Variants in PGAP4 observed in about 807,000 individuals in gnomAD.
PGAP4 encodes the protein GPI-N-acetylgalactosamine transferase PGAP4.
In PGAP4, 12 loss-of-function variants were observed where a neutral mutation model predicts 28.2. That is an observed-to-expected ratio of 0.42 (90% CI 0.27 to 0.69). The LOEUF (loss-of-function observed/expected upper bound fraction) is 0.69. Among genes scored for constraint, PGAP4 ranks in the 30% least tolerant of loss-of-function variants. PGAP4 has a pLI of 0.22. For missense variants in PGAP4, 425 were observed against 513.5 expected (o/e 0.83, Z 1.67); for synonymous variants, 205 against 211.8 (o/e 0.97, Z 0.28).
upstream of PGAP4, among the ~76,000 whole-genome samples, chr9:101,490,027 A>G (rs937536148): frequency 1.3e-5 from 2 of 152,108 alleles, no homozygotes; most frequent in Non-Finnish European, 2.9e-5. Flanking sequence ...CCCTACTTCT[A>G]TGGTTGGTCA....
rs190940726 is a variant in PGAP4 at position 101,524,836 on chromosome 9, T to C, written c.-165+6512A>G. Among the ~76,000 whole-genome samples the C allele has an allele frequency of 1.3e-3, 193 of 152,352 alleles. 3 individuals are homozygous for C. The highest frequency in any genetic ancestry group is 0.011 in the Admixed American group (174 of 15,300). ...AGTTTTAGGGGGCTCTCCTGGGTCC[T>C]GCAGGAGTAGTCCGCTTCCTTCAGA... On this transcript the variant is annotated intron_variant, in intron 2 of 3. Coordinates refer to the PGAP4 transcript ENST00000374851.
intron 2 of PGAP4, among the ~76,000 whole-genome samples, chr9:101,513,938 G>A (rs1170269393): frequency 6.6e-6 from 1 of 152,068 alleles, no homozygotes; most frequent in Non-Finnish European, 1.5e-5. Context: ...AGAGCCTGGA[G>A]TTCTGATGTC....
Position 101,476,201 on chromosome 9 carries a change from A to T in PGAP4, c.892T>A (p.Ser298Thr), listed in dbSNP as rs1480629365. Residue 298 changes from serine (S) to threonine (T), a missense_variant, in exon 2 of 2, where the codon TCC (serine) becomes ACC (threonine). Transcript: ENST00000374848. The surrounding 1 kb of genome is among the most constrained non-coding windows in gnomAD (Gnocchi z 7.0). ...TCCACCAGACCCATGCTATACAGGG[A>T]GAAGAAGAGCATTACAGGCCAGCTA... ...GFSWPVMLFF[S>T]LYSMGLVELV... 1.1e-5 allele frequency: 18 copies of T among 1,614,016 alleles called. No individual in the cohort carries two copies. Among genetic ancestry groups the T allele is most frequent in the Non-Finnish European group, 1.5e-5 (18 of 1,180,026 alleles).
intron 1 of PGAP4, among the ~76,000 whole-genome samples, chr9:101,481,037 C>G (rs1272439669): frequency 6.6e-6 from 1 of 152,042 alleles, no homozygotes; most frequent in East Asian, 1.9e-4. Context: ...ATTAGCCAGG[C>G]ATGGTAGCAT....
intron 1 of PGAP4, among the ~76,000 whole-genome samples, chr9:101,485,670 G>A (rs1329298310): frequency 6.6e-6 from 1 of 151,910 alleles, no homozygotes; most frequent in African/African-American, 2.4e-5. Flanking sequence ...ACCATTTTTT[G>A]GTCCACGCTT....
At chr9:101,490,547 T>C (rs556917082), upstream of PGAP4, among the ~76,000 whole-genome samples, 3 of 152,312 alleles carry the variant, frequency 2.0e-5, no homozygotes, top group East Asian at 5.8e-4. Context: ...ACTGAGTTCC[T>C]TCAGTTTTCC....
chr9:101,476,512 C>A lies in PGAP4; in HGVS notation c.581G>T (p.Cys194Phe). Residue 194 changes from cysteine (C) to phenylalanine (F), a missense_variant, in exon 2 of 2, where the codon TGC (cysteine) becomes TTC (phenylalanine). Cys to Phe is a radical substitution (Grantham distance 205). Transcript: ENST00000374848. This position sits in a 1 kb window ranked among gnomAD's most constrained non-coding sequence, Gnocchi z 7.0. Reference protein sequence around the residue: ...FEKEKQDYVYCLESSLQTYNP... With the variant: ...FEKEKQDYVYFLESSLQTYNP... ...GTAGGTCTGCAGGGATGACTCCAGGCAATAGACATAGTCCTGCTTCTCTTT... is the reference window on the plus strand; with the variant it reads ...GTAGGTCTGCAGGGATGACTCCAGGAAATAGACATAGTCCTGCTTCTCTTT... The A allele has an allele frequency of 1.2e-6, 2 of 1,614,154 alleles. No individual in the cohort carries two copies. The highest frequency in any genetic ancestry group is 2.2e-5 in the South Asian group (2 of 91,086).
intron 2 of PGAP4, among the ~76,000 whole-genome samples, chr9:101,514,207 A>G (rs1301667253): frequency 6.6e-6 from 1 of 152,106 alleles, no homozygotes; most frequent in Non-Finnish European, 1.5e-5. Flanking sequence ...AAAATTAGCC[A>G]TCACATTAGT....
At chr9:101,515,532 C>T (rs1826936824) in intron 2 of PGAP4, among the ~76,000 whole-genome samples, 1 of 152,162 alleles carries the variant, frequency 6.6e-6, no homozygotes, top group Non-Finnish European at 1.5e-5. Context: ...AGTATAGGCA[C>T]TCCTCAGTTT....
chr9:101,501,892 G>A (rs377019874), intron 2 of PGAP4: 5 of 415,494 alleles, frequency 1.2e-5, no homozygotes, highest in South Asian at 1.9e-5. Context: ...ACATGTTTGC[G>A]GCAGAGGCCT....
At chr9:101,528,880 T>G (rs1213076291) in intron 2 of PGAP4, among the ~76,000 whole-genome samples, 2 of 151,922 alleles carry the variant, frequency 1.3e-5, no homozygotes, top group Non-Finnish European at 1.5e-5. Context: ...GTACAGATTA[T>G]TTGATCATCC....
intron 1 of PGAP4, among the ~76,000 whole-genome samples, chr9:101,483,997 T>C (rs1488043901): frequency 1.3e-5 from 2 of 152,178 alleles, no homozygotes; most frequent in East Asian, 3.8e-4. Flanking sequence ...ACTAGGCACT[T>C]TAATATAAAT....
intron 2 of PGAP4, among the ~76,000 whole-genome samples, chr9:101,496,125 A>C (rs1351497188): frequency 6.6e-6 from 1 of 151,586 alleles, no homozygotes; most frequent in Non-Finnish European, 1.5e-5. Context: ...AGCCAAGACT[A>C]AAGAATCAAG....
upstream of PGAP4, chr9:101,489,083 C>T (rs1826661422): frequency 6.6e-6 from 1 of 152,162 alleles, no homozygotes; most frequent in Non-Finnish European, 1.5e-5. Context: ...ACTCCAACAA[C>T]CCCATGAGAC....
intron 2 of PGAP4, among the ~76,000 whole-genome samples, chr9:101,514,317 C>T (rs1826924458): frequency 6.6e-6 from 1 of 152,150 alleles, no homozygotes; most frequent in Non-Finnish European, 1.5e-5. Context: ...GGCAGCAACT[C>T]CATAGTCCTT....
chr9:101,528,633 G>A (rs771250615), intron 2 of PGAP4, among the ~76,000 whole-genome samples: 9 of 152,074 alleles, frequency 5.9e-5, no homozygotes, highest in Non-Finnish European at 1.3e-4. Context: ...GACCTACCCA[G>A]TGAAAATTCA....
rs79137699 is a variant in PGAP4, at chr9:101,486,788, T to C, written c.-78+161A>G. On this transcript the variant is annotated intron_variant, in intron 1 of 1. Coordinates refer to ENST00000374848, the MANE Select transcript of PGAP4 (RefSeq NM_032342.3). The surrounding 1 kb of genome is among the most constrained non-coding windows in gnomAD (Gnocchi z 4.7). ...GGCAACCCGCCTGCCCGAGGCGCAC[T>C]GCCCGGGGCACAGGCCCTCTGCGAT... is the stretch of plus-strand genomic sequence containing the variant. Among the ~76,000 whole-genome samples the C allele has an allele frequency of 0.019, 2,965 of 152,314 alleles. 37 individuals carry two copies. The highest frequency in any genetic ancestry group is 0.03 in the Non-Finnish European group (2,066 of 68,024).
intron 2 of PGAP4, among the ~76,000 whole-genome samples, chr9:101,494,438 A>C (rs1479693337): frequency 1.3e-5 from 2 of 151,944 alleles, no homozygotes; most frequent in African/African-American, 4.8e-5. Context: ...ATTTTCTTAA[A>C]TCTGGAGATA....
intron 2 of PGAP4, among the ~76,000 whole-genome samples, chr9:101,494,284 A>G (rs1467706986): frequency 6.6e-6 from 1 of 151,938 alleles, no homozygotes; most frequent in Non-Finnish European, 1.5e-5. Context: ...AATTGAAATT[A>G]TGTAAATAAA....
Sources: allele counts gnomAD v4.1 joint callset (sites outside exome capture counted in the v4.1 genomes callset), GRCh38; gene constraint gnomAD v4.1.1; non-coding constraint Gnocchi (gnomAD v3.1); transcripts MANE v1.5; gene names NCBI Gene and HGNC (gene_info 2026-07-23, HGNC 2026-07-21).